Variants in LCE3D observed in about 807,000 individuals in gnomAD.
The protein encoded by LCE3D is late cornified envelope 3D, also known as late cornified envelope protein 3D.
For missense variants in LCE3D, 124 were observed against 121.1 expected, an observed-to-expected ratio of 1.02 and a Z score of -0.11; for synonymous variants, 46 against 47.3, an observed-to-expected ratio of 0.97 and a Z score of 0.11.
Position 152,579,683 on chromosome 1 carries a change from C to T in LCE3D, c.254G>A (p.Gly85Asp). Residue 85 changes from glycine (G) to aspartate (D), a missense_variant, in exon 2 of 2, where the codon GGC becomes GAC. Physicochemically the swap from Gly to Asp is moderately conservative, Grantham distance 94. Coordinates refer to ENST00000368787, the MANE Select transcript of LCE3D (RefSeq NM_032563.2). The part of the protein sequence containing the change: ...SGQQGGGSGC[G>D]HGSGGCC The stretch of plus-strand genomic sequence containing the variant: ...TCAGCAGCAGCCTCCAGAGCCATGG[C>T]CGCAGCCAGAGCCCCCGCCTTGCTG... 6.2e-7 allele frequency: 1 copy of T among 1,613,856 alleles called. No individual in the cohort carries two copies. The highest frequency in any genetic ancestry group is 1.3e-5 in the African/African-American group (1 of 75,056).
Position 152,579,468 on chromosome 1 carries a change from G to A in LCE3D, c.*190C>T, listed in dbSNP as rs145461845. On this transcript the variant is annotated 3_prime_UTR_variant, in exon 2 of 2. Coordinates refer to ENST00000368787, the MANE Select transcript of LCE3D (RefSeq NM_032563.2). ...CACAGGTACAGGGGTAAGGGAACAT[G>A]TGACATCCTGGACATCAGACAGGAA... The A allele has an allele frequency of 2.5e-3, 2,032 of 813,274 alleles. 5 individuals carry two copies. The highest frequency in any genetic ancestry group is 3.5e-3 in the Non-Finnish European group (1,815 of 523,626). The allele number at this position is 813,274 out of a possible 1,614,324, so 50.4% of individuals were successfully genotyped here.
Position 152,579,925 on chromosome 1 carries a change from C to T in LCE3D, c.12G>A (p.Gln4=), listed in dbSNP as rs1346241693. The T allele has an allele frequency of 1.2e-6, 2 of 1,613,898 alleles. No individual in the cohort carries two copies. The highest frequency in any genetic ancestry group is 1.6e-4 in the Middle Eastern group (1 of 6,062). ...GGGGTTGGCACTGCTGCTGGTTCTGCTGGCAGGACATCTTGGCAGGAGTTG... is the reference window on the plus strand; with the variant it reads ...GGGGTTGGCACTGCTGCTGGTTCTGTTGGCAGGACATCTTGGCAGGAGTTG... MSC[Q]QNQQQCQPPP... is the part of the protein sequence containing the mutation. Residue 4 remains glutamine (Q), a synonymous_variant, in exon 2 of 2, where the codon CAG becomes CAA. Transcript: ENST00000368787.
At position 152,579,532 on chromosome 1, in the gene LCE3D, C is replaced by T; in HGVS notation, c.*126G>A. 1 of 1,474,424 alleles carries T rather than the reference C, an allele frequency of 6.8e-7. No individual in the cohort carries two copies. Among genetic ancestry groups the T allele is most frequent in the South Asian group, 1.3e-5 (1 of 78,616 alleles). The allele number at this position is 1,474,424 out of a possible 1,614,324, so 91.3% of individuals were successfully genotyped here. On this transcript the variant is annotated 3_prime_UTR_variant, in exon 2 of 2. Coordinates refer to ENST00000368787, the MANE Select transcript of LCE3D (RefSeq NM_032563.2). ...AGAGCTCAGACCTTCCACAGGAAAA[C>T]CCCTAGCTCAGCCTGTGAAAGCCAG... is the stretch of plus-strand genomic sequence containing the variant.
chr1:152,579,637 G>A lies in LCE3D; in HGVS notation c.*21C>T, dbSNP rs1660177248. On this transcript the variant is annotated 3_prime_UTR_variant, in exon 2 of 2. Transcript: ENST00000368787. Reference sequence around the variant, plus strand: ...ATTCTTGTTTCCTCCAAAATCGCTTGTCTCAGCATCAGGATCCAGGTCAGC... The same window carrying A: ...ATTCTTGTTTCCTCCAAAATCGCTTATCTCAGCATCAGGATCCAGGTCAGC... The A allele has an allele frequency of 3.1e-6, 5 of 1,613,422 alleles. No homozygotes were observed. Among genetic ancestry groups the A allele is most frequent in the Non-Finnish European group, 4.2e-6 (5 of 1,179,976 alleles).
At position 152,579,431 on chromosome 1, in the gene LCE3D, C is replaced by T. The variant is rs956895626; in HGVS notation, c.*227G>A. ...TTTTTGATGAGGTCAGGCACAAGCA[C>T]TGCCAATCCTTCACAGGTACAGGGG... On this transcript the variant is annotated 3_prime_UTR_variant, in exon 2 of 2. Coordinates refer to ENST00000368787, the MANE Select transcript of LCE3D (RefSeq NM_032563.2). 11 of 660,500 alleles carry T rather than the reference C, an allele frequency of 1.7e-5. No homozygotes were observed. Among genetic ancestry groups the T allele is most frequent in the Non-Finnish European group, 2.8e-5 (11 of 392,908 alleles). 40.9% of individuals were successfully genotyped at this position (660,500 alleles called of 1,614,324 possible).
rs376959078 is a variant in LCE3D, at chr1:152,579,451, C to G, written c.*207G>C. 1.4e-5 allele frequency: 10 copies of G among 726,452 alleles called. No homozygotes were observed. In the East Asian group the frequency reaches 1.6e-4, roughly 12 times the overall value. 45.0% of individuals were successfully genotyped at this position (726,452 alleles called of 1,614,324 possible). A position where few individuals can be genotyped will look rare whatever the true frequency, so the allele number is the denominator to read the frequency against. Reference sequence around the variant, plus strand: ...AAGCACTGCCAATCCTTCACAGGTACAGGGGTAAGGGAACATGTGACATCC... The same window carrying G: ...AAGCACTGCCAATCCTTCACAGGTAGAGGGGTAAGGGAACATGTGACATCC... On this transcript the variant is annotated 3_prime_UTR_variant, in exon 2 of 2. Transcript: ENST00000368787.
rs139416584 is a variant in LCE3D, at chr1:152,580,463, A to T, written c.-22+6T>A. The T allele has an allele frequency of 1.3e-3, 218 of 170,396 alleles. 1 individual carries two copies. The highest frequency in any genetic ancestry group is 4.7e-3 in the African/African-American group (198 of 41,710). The allele number at this position is 170,396 out of a possible 1,614,324, so 10.6% of individuals were successfully genotyped here. ...AGTTGAGTCCCATCCCCTGCTGGACACTCACCAGGTGCAGAGGAGGCAGGA... is the reference window on the plus strand; with the variant it reads ...AGTTGAGTCCCATCCCCTGCTGGACTCTCACCAGGTGCAGAGGAGGCAGGA... On this transcript the variant is annotated splice_donor_region_variant and intron_variant, in intron 1 of 1. Coordinates refer to ENST00000368787, the MANE Select transcript of LCE3D (RefSeq NM_032563.2).
rs1341259736 is a variant in LCE3D, at chr1:152,579,596, T to G, written c.*62A>C. 1.9e-6 allele frequency: 3 copies of G among 1,608,538 alleles called. No homozygotes were observed. In the East Asian group the frequency reaches 6.7e-5, roughly 36 times the overall value. The stretch of plus-strand genomic sequence containing the variant: ...GGAACTCATGCATCAAGATGGGGTT[T>G]TCCTGGGCCCTTGGGATTCTTGTTT... On this transcript the variant is annotated 3_prime_UTR_variant, in exon 2 of 2. Coordinates refer to ENST00000368787, the MANE Select transcript of LCE3D (RefSeq NM_032563.2).
At chr1:152,580,012 G>A in intron 1 of LCE3D, 55 bp from the exon 2 acceptor site, 1 of 1,604,200 alleles carries the variant, frequency 6.2e-7, no homozygotes, top group Non-Finnish European at 8.5e-7. Context: ...ATGTCTCTAA[G>A]ACCAGCGGCC....
At chr1:152,580,367 C>G (rs1660198841) in intron 1 of LCE3D, 102 bp downstream of exon 1, 1 of 209,082 alleles carries the variant, frequency 4.8e-6, no homozygotes, top group Non-Finnish European at 9.6e-6. Flanking sequence ...CATCCTCTCT[C>G]CGGGCTTTTG....
At position 152,579,624 on chromosome 1, in the gene LCE3D, T is replaced by C; in HGVS notation, c.*34A>G. The C allele has an allele frequency of 1.9e-6, 3 of 1,613,218 alleles. No homozygotes were observed. The highest frequency in any genetic ancestry group is 2.5e-6 in the Non-Finnish European group (3 of 1,179,860). On this transcript the variant is annotated 3_prime_UTR_variant, in exon 2 of 2. Coordinates refer to ENST00000368787, the MANE Select transcript of LCE3D (RefSeq NM_032563.2). The stretch of plus-strand genomic sequence containing the variant: ...CTGGGCCCTTGGGATTCTTGTTTCC[T>C]CCAAAATCGCTTGTCTCAGCATCAG...
rs760782759 is a variant in LCE3D, at chr1:152,579,862, G to T, written c.75C>A (p.Ser25Arg). 1.9e-6 allele frequency: 3 copies of T among 1,613,940 alleles called. No individual in the cohort carries two copies. The highest frequency in any genetic ancestry group is 2.5e-6 in the Non-Finnish European group (3 of 1,180,042). ...AAGCTGGAGGCAGACACTGTACTGG[G>T]CTCTTTGGGGGACACTTGGGTGAGG... ...KCPSPKCPPK[S>R]PVQCLPPASS... The change falls in exon 2 of 2, where the codon AGC (serine) becomes AGA (arginine). Residue 25 changes from serine to arginine, a missense_variant. Physicochemically the swap from Ser to Arg is moderately radical, Grantham distance 110. Transcript: ENST00000368787.
At chr1:152,580,197 T>A (rs1660195429) in intron 1 of LCE3D, among the ~76,000 whole-genome samples, 1 of 151,974 alleles carries the variant, frequency 6.6e-6, no homozygotes, top group East Asian at 1.9e-4. Context: ...ACAAAAGGCA[T>A]TCTGGAGAAT....
intron 1 of LCE3D, 64 bp downstream of exon 1, chr1:152,580,405 G>T (rs753213656): frequency 9.7e-5 from 18 of 185,740 alleles, no homozygotes; most frequent in Non-Finnish European, 4.5e-5. Context: ...TCCCTCTCCT[G>T]CTATGACCTT....
At position 152,579,650 on chromosome 1, in the gene LCE3D, G is replaced by T; in HGVS notation, c.*8C>A. On this transcript the variant is annotated 3_prime_UTR_variant, in exon 2 of 2. Coordinates refer to ENST00000368787, the MANE Select transcript of LCE3D (RefSeq NM_032563.2). The stretch of plus-strand genomic sequence containing the variant: ...CCAAAATCGCTTGTCTCAGCATCAG[G>T]ATCCAGGTCAGCAGCAGCCTCCAGA... 6.2e-7 allele frequency: 1 copy of T among 1,613,696 alleles called. No homozygotes were observed. The highest frequency in any genetic ancestry group is 8.5e-7 in the Non-Finnish European group (1 of 1,179,986).
intron 1 of LCE3D, 49 bp from the exon 2 acceptor site, chr1:152,580,006 C>A (rs1660188787): frequency 6.2e-7 from 1 of 1,608,548 alleles, no homozygotes; most frequent in South Asian, 1.1e-5. Context: ...AGTCCAATGT[C>A]TCTAAGACCA....
At position 152,579,906 on chromosome 1, in the gene LCE3D, G is replaced by A. The variant is rs148283222; in HGVS notation, c.31C>T (p.Gln11Ter). 5 of 1,613,816 alleles carry A rather than the reference G, an allele frequency of 3.1e-6. No homozygotes were observed. Among genetic ancestry groups the A allele is most frequent in the Non-Finnish European group, 4.2e-6 (5 of 1,180,060 alleles). ...GGTGAGGGACACTTGGGTGGGGGTT[G>A]GCACTGCTGCTGGTTCTGCTGGCAG... MSCQQNQQQC[Q>*]PPPKCPSPKC... Residue 11 changes from glutamine to a stop codon, truncating the protein, a stop_gained, in exon 2 of 2, where the codon CAA becomes TAA. Coordinates refer to ENST00000368787, the MANE Select transcript of LCE3D (RefSeq NM_032563.2). LOFTEE classifies it low-confidence loss of function (END_TRUNC).
Position 152,579,612 on chromosome 1 carries a change from A to T in LCE3D, c.*46T>A, listed in dbSNP as rs1660176777. 1 of 1,612,268 alleles carries T rather than the reference A, an allele frequency of 6.2e-7. No individual in the cohort carries two copies. The highest frequency in any genetic ancestry group is 8.5e-7 in the Non-Finnish European group (1 of 1,179,628). On this transcript the variant is annotated 3_prime_UTR_variant, in exon 2 of 2. Coordinates refer to ENST00000368787, the MANE Select transcript of LCE3D (RefSeq NM_032563.2). ...GATGGGGTTTTCCTGGGCCCTTGGG[A>T]TTCTTGTTTCCTCCAAAATCGCTTG...
chr1:152,580,326 G>GC (rs1230749411), intron 1 of LCE3D, 143 bp downstream of exon 1: 1 of 251,662 alleles, frequency 4.0e-6, no homozygotes, highest in African/African-American at 2.3e-5. Flanking sequence ...CTCCCTCCTG[G>GC]CCCCAGTTCC....
Sources: gnomAD v4.1 joint callset for allele counts (sites outside exome capture counted in the v4.1 genomes callset) on GRCh38, gnomAD v4.1.1 for gene constraint, MANE v1.5 for transcripts, NCBI Gene and HGNC (gene_info 2026-07-23, HGNC 2026-07-21) for gene names.